The following KMT2C variants were observed in gnomAD, a reference collection of about 807,000 sequenced individuals.
KMT2C encodes histone-lysine N-methyltransferase 2C.
A neutral mutation model predicts 507.9 loss-of-function variants in KMT2C; 88 were observed. That is an observed-to-expected ratio of 0.17 (90% CI 0.15 to 0.21). The LOEUF (loss-of-function observed/expected upper bound fraction) is 0.21. KMT2C is among the 10% of genes least tolerant of loss of function. The probability of loss-of-function intolerance (pLI) is 1.00; values close to 1 mark genes in which losing one functional copy is unlikely to be tolerated. For missense variants in KMT2C, 4,954 were observed against 5,957.8 expected, an observed-to-expected ratio of 0.83 and a Z score of 5.55; for synonymous variants, 2,049 against 2,080.8, an observed-to-expected ratio of 0.98 and a Z score of 0.42.
intron 23 of KMT2C, among the ~76,000 whole-genome samples, chr7:152,215,817 A>G (rs1162067407): frequency 1.3e-5 from 2 of 151,990 alleles, no homozygotes; most frequent in Non-Finnish European, 2.9e-5. Flanking sequence ...CTGGAGATGT[A>G]AACTGGGGGC....
rs2129101433 is a variant in KMT2C, at chr7:152,158,899, C to T, written c.11634G>A (p.Met3878Ile). ...RKKDEEEKQA[M>I]YSSTDTFTHL... ...GGGTAAACGTGTCAGTGCTAGAGTA[C>T]ATAGCTTGTTTCTCCTCTTCGTCCT... is the stretch of plus-strand genomic sequence containing the variant. Residue 3878 changes from methionine (M) to isoleucine (I), a missense_variant, in exon 44 of 59, where the codon ATG becomes ATA. Physicochemically the swap from Met to Ile is conservative, Grantham distance 10. Around this residue, in one of 29 missense-constraint regions of KMT2C, gnomAD observed 801 missense variants for 751.2 expected, o/e 1.07. Coordinates refer to ENST00000262189, the MANE Select transcript of KMT2C (RefSeq NM_170606.3). The T allele has an allele frequency of 6.2e-7, 1 of 1,614,200 alleles. No homozygotes were observed. Among genetic ancestry groups the T allele is most frequent in the Non-Finnish European group, 8.5e-7 (1 of 1,180,024 alleles).
intron 54 of KMT2C, 131 bp downstream of exon 54, chr7:152,145,022 G>T: frequency 7.3e-7 from 1 of 1,361,304 alleles, no homozygotes; most frequent in Admixed American, 2.3e-5. Flanking sequence ...CACACGGCGA[G>T]TTCTCTTATG....
Position 152,181,383 on chromosome 7 carries a change from G to A in KMT2C, c.6477C>T (p.Tyr2159=), listed in dbSNP as rs761097508. 3.1e-5 allele frequency: 50 copies of A among 1,613,928 alleles called. No individual in the cohort carries two copies. Among genetic ancestry groups the A allele is most frequent in the Non-Finnish European group, 4.2e-5 (49 of 1,180,028 alleles). The part of the protein sequence containing the change: ...SGTARSNTDP[Y]SQPPGTPRPT... ...GCCGGGGAGTTCCAGGAGGTTGAGA[G>A]TAAGGGTCTGTATTGGACCTAGCTG... The change falls in exon 36 of 59, where the codon TAC becomes TAT. Residue 2159 remains tyrosine (Y), a synonymous_variant. Coordinates refer to ENST00000262189, the MANE Select transcript of KMT2C (RefSeq NM_170606.3).
rs531405226 is a variant in KMT2C at position 152,206,003 on chromosome 7, C to T, written c.3842-778G>A. On this transcript the variant is annotated intron_variant, in intron 24 of 58. Coordinates refer to ENST00000262189, the MANE Select transcript of KMT2C (RefSeq NM_170606.3). The stretch of plus-strand genomic sequence containing the variant: ...CATTTATACATGGGACACATAGAGC[C>T]CTGTGTTTAACAGCATGGAATCTGG... 2.0e-5 allele frequency among the ~76,000 whole-genome samples: 3 copies of T among 152,176 alleles called. No homozygotes were observed. The South Asian group carries it at 6.2e-4, about 32-fold the overall frequency.
At position 152,148,405 on chromosome 7, in the gene KMT2C, G is replaced by C. The variant is rs182572555; in HGVS notation, c.13522C>G (p.Pro4508Ala). ...AATTCTTGCTCATGAATTCCCTTTG[G>C]TTTGTGCATGGGGCAAAGCATAGTT... is the stretch of plus-strand genomic sequence containing the variant. ...DKTMLCPMHK[P>A]KGIHEQELSY... The change falls in exon 52 of 59, where the codon CCA becomes GCA. Residue 4508 changes from proline (P) to alanine (A), a missense_variant. By Grantham distance (27) the Pro-to-Ala change is conservative. Transcript: ENST00000262189. This position sits in a 1 kb window ranked among gnomAD's most constrained non-coding sequence, Gnocchi z 7.1. 1.9e-6 allele frequency: 3 copies of C among 1,614,232 alleles called. No individual in the cohort carries two copies. Among genetic ancestry groups the C allele is most frequent in the Non-Finnish European group, 2.5e-6 (3 of 1,180,042 alleles).
intron 42 of KMT2C, among the ~76,000 whole-genome samples, chr7:152,165,224 ATATTT>A (rs2092675703): frequency 1.3e-5 from 2 of 152,326 alleles, no homozygotes; most frequent in South Asian, 4.1e-4. Flanking sequence ...CTTTCCCATG[ATATTT>A]TATAATACTT....
chr7:152,379,563 C>A (rs2097354335), intron 1 of KMT2C, among the ~76,000 whole-genome samples: 1 of 148,814 alleles, frequency 6.7e-6, no homozygotes, highest in African/African-American at 2.5e-5. Context: ...CAAAAATGGA[C>A]AAAGGAGCCA....
rs2096712267 is a variant in KMT2C, at chr7:152,315,325, C to T, written c.403G>A (p.Ala135Thr). The T allele has an allele frequency of 2.5e-6, 4 of 1,613,442 alleles. No individual in the cohort carries two copies. The highest frequency in any genetic ancestry group is 3.4e-6 in the Non-Finnish European group (4 of 1,179,536). The change falls in exon 4 of 59, where the codon GCT becomes ACT. Residue 135 changes from alanine to threonine, a missense_variant. Physicochemically the swap from Ala to Thr is moderately conservative, Grantham distance 58. This residue lies in a region of KMT2C where 233 missense variants were observed against 263.6 expected (regional missense o/e 0.88). Coordinates refer to ENST00000262189, the MANE Select transcript of KMT2C (RefSeq NM_170606.3). ...CTTTTTTCCCCACAGTAACAAAAAG[C>T]GCAGAGCTGTTCACTAGTAAAAATG... Reference protein sequence around the residue: ...VEAKISEQLCAFCYCGEKSSL... With the variant: ...VEAKISEQLCTFCYCGEKSSL...
chr7:152,152,564 C>T (rs985254240), intron 49 of KMT2C, 141 bp downstream of exon 49: 27 of 1,001,434 alleles, frequency 2.7e-5, no homozygotes, highest in Non-Finnish European at 1.5e-6. Flanking sequence ...AAACAGAACA[C>T]CCACACATGG....
Position 152,182,300 on chromosome 7 carries a change from G to T in KMT2C, c.5560C>A (p.Pro1854Thr), listed in dbSNP as rs750710290. Reference protein sequence around the residue: ...DDVFVKPQAPPPPPAPSRIPI... With the variant: ...DDVFVKPQAPTPPPAPSRIPI... Reference sequence around the variant, plus strand: ...ATCCGGGATGGGGCTGGAGGAGGAGGTGGAGCTTGTGGCTTTACAAACACA... The same window carrying T: ...ATCCGGGATGGGGCTGGAGGAGGAGTTGGAGCTTGTGGCTTTACAAACACA... The change falls in exon 36 of 59, where the codon CCT becomes ACT. Residue 1854 changes from proline (P) to threonine (T), a missense_variant. Pro to Thr is a conservative substitution (Grantham distance 38). Around this residue, in one of 29 missense-constraint regions of KMT2C, gnomAD observed 1,689 missense variants for 1,654.3 expected, o/e 1.02. Transcript: ENST00000262189. The T allele has an allele frequency of 6.2e-7, 1 of 1,614,180 alleles. No individual in the cohort carries two copies.
chr7:152,153,357 A>T (rs2091799781), intron 48 of KMT2C, among the ~76,000 whole-genome samples: 2 of 152,204 alleles, frequency 1.3e-5, no homozygotes, highest in African/African-American at 2.4e-5. Flanking sequence ...TGATAACCAA[A>T]ATATCACATC....
chr7:152,308,905 T>A (rs1057214981), intron 6 of KMT2C, among the ~76,000 whole-genome samples: 6 of 152,056 alleles, frequency 3.9e-5, no homozygotes, highest in African/African-American at 1.4e-4. Context: ...GCTGTCTTTA[T>A]AGATGGGAGG....
intron 6 of KMT2C, among the ~76,000 whole-genome samples, chr7:152,278,268 CT>C (rs899113010): frequency 1.4e-4 from 21 of 148,532 alleles, no homozygotes; most frequent in East Asian, 9.8e-4. Context: ...TGATTTCAAA[CT>C]TTTTTTTTTT....
intron 1 of KMT2C, among the ~76,000 whole-genome samples, 169 bp downstream of exon 1, chr7:152,435,457 C>A (rs1424663165): frequency 6.9e-6 from 1 of 145,842 alleles, no homozygotes; most frequent in African/African-American, 2.5e-5. Flanking sequence ...CGGGCGGCTA[C>A]CGAGGGGCGC....
At position 152,149,112 on chromosome 7, in the gene KMT2C, G is replaced by A. The variant is rs754010322; in HGVS notation, c.12815C>T (p.Thr4272Met). 3.3e-5 allele frequency: 49 copies of A among 1,493,120 alleles called. No individual in the cohort carries two copies. The South Asian group carries it at 3.7e-4, about 11-fold the overall frequency. The allele number at this position is 1,493,120 out of a possible 1,614,324, so 92.5% of individuals were successfully genotyped here. A position where few individuals can be genotyped will look rare whatever the true frequency, so the allele number is the denominator to read the frequency against. ...PSLPQSPMRE[T>M]PSKAFHQYSN... ...GTACTGATGAAATGCTTTGGAAGGC[G>A]TTTCTCTCATAGGTGATTGTGGCAA... Residue 4272 changes from threonine (T) to methionine (M), a missense_variant, in exon 52 of 59, where the codon ACG (threonine) becomes ATG (methionine). By Grantham distance (81) the Thr-to-Met change is moderately conservative. Transcript: ENST00000262189.
At chr7:152,351,240 G>A (rs1210160548) in intron 2 of KMT2C, among the ~76,000 whole-genome samples, 1 of 152,178 alleles carries the variant, frequency 6.6e-6, no homozygotes, top group Non-Finnish European at 1.5e-5. Context: ...CAGTAACACA[G>A]TCACTTATTA....
At chr7:152,256,776 C>T (rs1274208946) in intron 9 of KMT2C, among the ~76,000 whole-genome samples, 1 of 152,110 alleles carries the variant, frequency 6.6e-6, no homozygotes, top group Non-Finnish European at 1.5e-5. Flanking sequence ...CAACTTCACT[C>T]AGGATAAACA....
At chr7:152,160,095 T>G (rs1291514553) in intron 43 of KMT2C, among the ~76,000 whole-genome samples, 1 of 152,220 alleles carries the variant, frequency 6.6e-6, no homozygotes, top group African/African-American at 2.4e-5. Context: ...CAAATAAAAC[T>G]TTTAAAATTC....
intron 3 of KMT2C, among the ~76,000 whole-genome samples, chr7:152,327,296 T>C (rs1320171063): frequency 6.6e-6 from 1 of 152,226 alleles, no homozygotes; most frequent in Non-Finnish European, 1.5e-5. Context: ...TCATTCTCTG[T>C]ACAAGTATTA....
Sources: gnomAD v4.1 joint callset for allele counts (sites outside exome capture counted in the v4.1 genomes callset) on GRCh38, gnomAD v4.1.1 for gene constraint, gnomAD v4.1.1 regional missense constraint, Gnocchi (gnomAD v3.1) non-coding constraint, MANE v1.5 for transcripts, NCBI Gene and HGNC (gene_info 2026-07-23, HGNC 2026-07-21) for gene names.